The following PCDHGA3 variants were observed in gnomAD, a reference collection of about 807,000 sequenced individuals.
PCDHGA3 encodes the protein protocadherin gamma subfamily A, 3.
Under a neutral mutation model 58.5 loss-of-function variants are expected in PCDHGA3, and 40 were observed. That is an observed-to-expected ratio of 0.68 (90% confidence interval 0.53 to 0.89). PCDHGA3 has a LOEUF of 0.89. Ranked by LOEUF, PCDHGA3 falls within the 40% of genes least tolerant of loss-of-function variation. PCDHGA3 has a pLI of 0.00. For synonymous variants in PCDHGA3, 530 were observed against 525.7 expected (o/e 1.01, Z -0.11); for missense variants, 1,223 against 1,195.9 (o/e 1.02, Z -0.33).
intron 1 of PCDHGA3, chr5:141,378,346 A>T (rs761383288): frequency 2.0e-5 from 3 of 152,252 alleles, no homozygotes; most frequent in Non-Finnish European, 2.9e-5. Context: ...AACATGGTGA[A>T]ACCCCGTCTC....
In PCDHGA3 at chr5:141,393,830, T is replaced by C. The variant is rs926004105; in HGVS notation, c.2424+47373T>C. The C allele has an allele frequency of 1.7e-5, 27 of 1,613,872 alleles. No homozygotes were observed. In the African/African-American group the frequency reaches 3.2e-4, roughly 19 times the overall value. On this transcript the variant is annotated intron_variant, in intron 1 of 3. Coordinates refer to ENST00000253812, the MANE Select transcript of PCDHGA3 (RefSeq NM_018916.4). ...CCAAATTGCTCATTTCGGTGGAAGA[T>C]GTAAATGACAATAGACCAGAAGTGA... is the stretch of plus-strand genomic sequence containing the variant.
intron 1 of PCDHGA3, chr5:141,423,256 G>T (rs751894091): frequency 1.4e-5 from 22 of 1,613,816 alleles, no homozygotes; most frequent in Middle Eastern, 1.6e-4. Flanking sequence ...GGCGGACCTC[G>T]GCAGCCTCGA....
intron 1 of PCDHGA3, among the ~76,000 whole-genome samples, chr5:141,448,146 C>G (rs1375402473): frequency 6.6e-6 from 1 of 151,942 alleles, no homozygotes; most frequent in Non-Finnish European, 1.5e-5. Flanking sequence ...ATACCTCAGA[C>G]TCACCCCTGA....
At chr5:141,423,549 C>T (rs748764057) in intron 1 of PCDHGA3, 113 of 1,613,568 alleles carry the variant, frequency 7.0e-5, no homozygotes, top group Non-Finnish European at 8.7e-5. Flanking sequence ...TCCCCCAGCC[C>T]AACTATGGGG....
chr5:141,391,749 G>A (rs147297013), intron 1 of PCDHGA3: 1 of 152,154 alleles, frequency 6.6e-6, no homozygotes, highest in African/African-American at 2.4e-5. Flanking sequence ...CTTATCCTTT[G>A]GCTTCTTAGT....
intron 1 of PCDHGA3, chr5:141,355,839 G>C (rs554282896): frequency 6.2e-7 from 1 of 1,612,140 alleles, no homozygotes; most frequent in East Asian, 2.2e-5. Context: ...TCGTTCTCAC[G>C]GCCTTCGATG....
intron 1 of PCDHGA3, among the ~76,000 whole-genome samples, chr5:141,455,904 TTTATTTA>T: frequency 6.8e-6 from 1 of 147,982 alleles, no homozygotes. Flanking sequence ...TATTTATTTA[TTTATTTA>T]TTTTGAGACG....
At chr5:141,441,872 G>A (rs1400648028) in intron 1 of PCDHGA3, 4 of 341,526 alleles carry the variant, frequency 1.2e-5, no homozygotes, top group East Asian at 9.4e-5. Context: ...GCGGAGCCTG[G>A]CTACCTGGTC....
intron 1 of PCDHGA3, chr5:141,351,647 C>T (rs566032831): frequency 6.2e-7 from 1 of 1,614,058 alleles, no homozygotes; most frequent in South Asian, 1.1e-5. Flanking sequence ...GAACAACCCA[C>T]CTGGCGCCTC....
intron 2 of PCDHGA3, among the ~76,000 whole-genome samples, chr5:141,503,598 C>CAAAAAAA (rs765754054): frequency 1.5e-5 from 1 of 65,730 alleles, no homozygotes; most frequent in Non-Finnish European, 3.4e-5. Flanking sequence ...GACTCCAGCT[C>CAAAAAAA]AAAAAAAAAA....
chr5:141,386,950 A>G (rs538175836), intron 1 of PCDHGA3, among the ~76,000 whole-genome samples: 1 of 152,246 alleles, frequency 6.6e-6, no homozygotes, highest in African/African-American at 2.4e-5. Flanking sequence ...GCAGTGCTTC[A>G]GTGCAGCAGA....
intron 1 of PCDHGA3, chr5:141,364,596 G>A: frequency 6.2e-7 from 1 of 1,614,208 alleles, no homozygotes; most frequent in South Asian, 1.1e-5. Flanking sequence ...ACCGCGGGCA[G>A]GATAGACCGG....
chr5:141,360,354 A>G (rs757199550), intron 1 of PCDHGA3: 8 of 1,613,944 alleles, frequency 5.0e-6, no homozygotes, highest in Non-Finnish European at 6.8e-6. Context: ...CGGAGAAGGA[A>G]TATTTCACAG....
chr5:141,344,087 G>C lies in PCDHGA3; in HGVS notation c.54G>C (p.Ala18=), dbSNP rs773210935. The change falls in exon 1 of 4, where the codon GCG becomes GCC. Residue 18 remains alanine (A), a synonymous_variant. Coordinates refer to ENST00000253812, the MANE Select transcript of PCDHGA3 (RefSeq NM_018916.4). ...RNGRGLALLC[A]LLGTLCETGS... The stretch of plus-strand genomic sequence containing the variant: ...GCAGAGGACTGGCCCTGCTGTGCGC[G>C]CTCCTGGGGACGCTGTGCGAAACAG... 1.2e-6 allele frequency: 2 copies of C among 1,611,490 alleles called. No homozygotes were observed. Among genetic ancestry groups the C allele is most frequent in the Non-Finnish European group, 1.7e-6 (2 of 1,178,338 alleles).
At chr5:141,378,535 T>G (rs1235721694) in intron 1 of PCDHGA3, 6 of 152,092 alleles carry the variant, frequency 3.9e-5, no homozygotes, top group Admixed American at 3.9e-4. Flanking sequence ...AAAATAATAA[T>G]GATAATTAAT....
At chr5:141,483,240 T>C (rs2099578643) in intron 1 of PCDHGA3, among the ~76,000 whole-genome samples, 2 of 151,742 alleles carry the variant, frequency 1.3e-5, no homozygotes, top group Non-Finnish European at 1.5e-5. Flanking sequence ...TGAACTGATA[T>C]GCATATATCA....
At chr5:141,405,442 CAG>C in intron 1 of PCDHGA3, 1 of 1,378,150 alleles carries the variant, frequency 7.3e-7, no homozygotes, top group South Asian at 1.3e-5. Context: ...GTTTTTGAGA[CAG>C]AGTCTTACTC....
In PCDHGA3 at chr5:141,511,116, G is replaced by A. The variant is rs2099883616; in HGVS notation, c.2742G>A (p.Lys914=). Residue 914 remains lysine, a synonymous_variant, in exon 4 of 4, where the codon AAG becomes AAA. Transcript: ENST00000253812. The stretch of plus-strand genomic sequence containing the variant: ...ACGCAGCTGGCAAGCGGGATGGCAA[G>A]GCCCCAGCAGGTGGCAATGGCAACA... ...LTNAAGKRDG[K]APAGGNGNKK... The A allele has an allele frequency of 1.9e-6, 3 of 1,614,234 alleles. No individual in the cohort carries two copies. The highest frequency in any genetic ancestry group is 2.5e-6 in the Non-Finnish European group (3 of 1,180,026).
rs181597586 is a variant in PCDHGA3, at chr5:141,345,479, C to T, written c.1446C>T (p.Asn482=). Residue 482 remains asparagine, a synonymous_variant, in exon 1 of 4, where the codon AAC becomes AAT. Coordinates refer to ENST00000253812, the MANE Select transcript of PCDHGA3 (RefSeq NM_018916.4). ...FSVTAQDPDS[N]NNARITYALT... is the part of the protein sequence containing the mutation. The stretch of plus-strand genomic sequence containing the variant: ...TGACAGCCCAGGACCCAGATAGCAA[C>T]AACAACGCCCGCATCACTTATGCAT... The T allele has an allele frequency of 4.9e-5, 79 of 1,614,150 alleles. No homozygotes were observed. The Admixed American group carries it at 1.3e-3, about 26-fold the overall frequency.
Sources: allele counts gnomAD v4.1 joint callset (sites outside exome capture counted in the v4.1 genomes callset), GRCh38; gene constraint gnomAD v4.1.1; transcripts MANE v1.5; gene names NCBI Gene and HGNC (gene_info 2026-07-23, HGNC 2026-07-21).